Variants in SWAP70 observed in about 807,000 individuals in gnomAD.
SWAP70 encodes the protein switch-associated protein 70.
In SWAP70, 34 loss-of-function variants were observed where a neutral mutation model predicts 80.2. The observed-to-expected ratio is 0.42, with a 90% CI of 0.32 to 0.56. SWAP70 has a LOEUF of 0.56. SWAP70 is among the 20% of genes least tolerant of loss of function. The pLI is 0.09. For missense variants in SWAP70, 578 were observed against 690.7 expected, an observed-to-expected ratio of 0.84 and a Z score of 1.83; for synonymous variants, 239 against 238.5, an observed-to-expected ratio of 1.00 and a Z score of -0.02.
intron 7 of SWAP70, among the ~76,000 whole-genome samples, chr11:9,737,586 C>G (rs1433972484): frequency 1.3e-5 from 2 of 152,106 alleles, no homozygotes; most frequent in Non-Finnish European, 2.9e-5. Flanking sequence ...AGAAAGAGCT[C>G]AAGAAATAGC....
chr11:9,711,547 G>T (rs1850998692), intron 2 of SWAP70, among the ~76,000 whole-genome samples: 1 of 152,158 alleles, frequency 6.6e-6, no homozygotes, highest in African/African-American at 2.4e-5. Context: ...TTCCTTGGCA[G>T]CTAGAGCACA....
At chr11:9,698,103 T>TTG (rs1590022696) in intron 2 of SWAP70, among the ~76,000 whole-genome samples, 1 of 146,212 alleles carries the variant, frequency 6.8e-6, no homozygotes, top group East Asian at 2.0e-4. Context: ...GTTTTTTGTT[T>TTG]TTTTTTTTTT....
At chr11:9,701,061 TG>T (rs1411109675) in intron 2 of SWAP70, among the ~76,000 whole-genome samples, 1 of 152,224 alleles carries the variant, frequency 6.6e-6, no homozygotes, top group African/African-American at 2.4e-5. Flanking sequence ...GGTTGGTTTT[TG>T]TATTTACTTT....
intron 1 of SWAP70, among the ~76,000 whole-genome samples, chr11:9,685,117 C>CTTT (rs1011054261): frequency 5.8e-5 from 8 of 139,080 alleles, no homozygotes; most frequent in African/African-American, 1.8e-4. Flanking sequence ...GGGTGACTTT[C>CTTT]TTTTTTTTTT....
chr11:9,748,290 G>A (rs890805280), intron 10 of SWAP70, among the ~76,000 whole-genome samples: 1 of 152,198 alleles, frequency 6.6e-6, no homozygotes, highest in African/African-American at 2.4e-5. Context: ...ATTATTAACT[G>A]TCATAGGAGA....
chr11:9,707,552 CT>C lies in SWAP70; in HGVS notation c.241-5910del, dbSNP rs200003596. Among the ~76,000 whole-genome samples, 43 of 132,300 alleles carry C rather than the reference CT, an allele frequency of 3.3e-4. No individual in the cohort carries two copies. In the Middle Eastern group the frequency reaches 0.016, roughly 50 times the overall value. 86.8% of individuals were successfully genotyped at this position (132,300 alleles called of 152,430 possible). ...TATGTATATAACACATTTTCTTTTT[CT>C]TTTCTTTTTTTTTTTTTTTTGAGAC... On this transcript the variant is annotated intron_variant, in intron 2 of 11. Coordinates refer to ENST00000318950, the MANE Select transcript of SWAP70 (RefSeq NM_015055.4).
intron 2 of SWAP70, among the ~76,000 whole-genome samples, chr11:9,702,857 A>G (rs1850850714): frequency 6.6e-6 from 1 of 152,220 alleles, no homozygotes; most frequent in Admixed American, 6.5e-5. Flanking sequence ...ATGACTTTAT[A>G]CTGATGAATA....
At position 9,710,175 on chromosome 11, in the gene SWAP70, T is replaced by C. The variant is rs544370288; in HGVS notation, c.241-3291T>C. Among the ~76,000 whole-genome samples the C allele has an allele frequency of 4.6e-5, 7 of 152,252 alleles. No homozygotes were observed. The South Asian group carries it at 1.5e-3, about 32-fold the overall frequency. On this transcript the variant is annotated intron_variant, in intron 2 of 11. Transcript: ENST00000318950. ...ACCTATGTTGTTCAAGGATGCTCAGTTTTTTGGAACCTGTATTTTCTGATC... is the reference window on the plus strand; with the variant it reads ...ACCTATGTTGTTCAAGGATGCTCAGCTTTTTGGAACCTGTATTTTCTGATC...
chr11:9,678,500 A>T (rs1481749851), intron 1 of SWAP70, among the ~76,000 whole-genome samples: 2 of 148,342 alleles, frequency 1.3e-5, no homozygotes, highest in Non-Finnish European at 1.5e-5. Flanking sequence ...TTTTTGGGAA[A>T]TACATGTACT....
intron 2 of SWAP70, among the ~76,000 whole-genome samples, chr11:9,697,106 A>G (rs894048398): frequency 1.3e-5 from 2 of 151,958 alleles, no homozygotes; most frequent in Non-Finnish European, 2.9e-5. Flanking sequence ...CATCAAACCT[A>G]AATACACAAC....
intron 7 of SWAP70, among the ~76,000 whole-genome samples, chr11:9,737,733 T>G (rs997296920): frequency 2.6e-5 from 4 of 152,114 alleles, no homozygotes; most frequent in African/African-American, 9.7e-5. Flanking sequence ...CCGTGTCTAC[T>G]AAAAATACAA....
At chr11:9,709,549 A>G (rs561680427) in intron 2 of SWAP70, among the ~76,000 whole-genome samples, 1 of 152,198 alleles carries the variant, frequency 6.6e-6, no homozygotes, top group East Asian at 1.9e-4. Flanking sequence ...TTGAGACAGA[A>G]TCTCTCACTT....
chr11:9,687,932 T>C (rs75800330), intron 1 of SWAP70, among the ~76,000 whole-genome samples: 3,308 of 152,266 alleles, frequency 0.022, 61 homozygotes, highest in Non-Finnish European at 0.035. Flanking sequence ...CTAGAGTTTA[T>C]GAATGACCCA....
At chr11:9,714,807 A>ATTT (rs71034737) in intron 3 of SWAP70, among the ~76,000 whole-genome samples, 2,540 of 127,322 alleles carry the variant, frequency 0.02, 89 homozygotes, top group African/African-American at 0.076. Flanking sequence ...CCAAAAGGGG[A>ATTT]TTTTTTTTTT....
At chr11:9,672,195 C>CTATGTG (rs530619499) in intron 1 of SWAP70, among the ~76,000 whole-genome samples, 2 of 78,438 alleles carry the variant, frequency 2.5e-5, no homozygotes, top group African/African-American at 9.8e-5. Context: ...ATGTGTGTGT[C>CTATGTG]TATATATATA....
intron 3 of SWAP70, among the ~76,000 whole-genome samples, chr11:9,720,650 T>C (rs1428360897): frequency 2.0e-5 from 3 of 152,168 alleles, no homozygotes; most frequent in Admixed American, 6.5e-5. Flanking sequence ...CTGTATTCCC[T>C]GTACCCCAAG....
intron 2 of SWAP70, among the ~76,000 whole-genome samples, chr11:9,702,729 C>T (rs1208869398): frequency 6.6e-6 from 1 of 152,086 alleles, no homozygotes; most frequent in East Asian, 1.9e-4. Context: ...CTGAAAGTTA[C>T]ATAGTTTTAA....
chr11:9,694,207 A>T lies in SWAP70; in HGVS notation c.161A>T (p.Glu54Val). The T allele has an allele frequency of 6.2e-7, 1 of 1,613,212 alleles. No individual in the cohort carries two copies. The highest frequency in any genetic ancestry group is 1.1e-5 in the South Asian group (1 of 90,934). Reference protein sequence around the residue: ...KVPHDPVALEEHFRDDDEGPV... With the variant: ...KVPHDPVALEVHFRDDDEGPV... The stretch of plus-strand genomic sequence containing the variant: ...CCTCATGACCCAGTTGCCCTTGAAG[A>T]GCACTTCAGGGATGATGATGAGGGT... Residue 54 changes from glutamate (E) to valine (V), a missense_variant, in exon 2 of 12, where the codon GAG (glutamate) becomes GTG (valine). By Grantham distance (121) the Glu-to-Val change is moderately radical. Transcript: ENST00000318950.
intron 1 of SWAP70, among the ~76,000 whole-genome samples, chr11:9,674,968 C>CA (rs777668072): frequency 2.1e-4 from 24 of 116,894 alleles, no homozygotes; most frequent in African/African-American, 5.7e-4. Context: ...GACTCCGTCT[C>CA]AAAAAAAAAA....
Sources: allele counts gnomAD v4.1 joint callset (sites outside exome capture counted in the v4.1 genomes callset), GRCh38; gene constraint gnomAD v4.1.1; transcripts MANE v1.5; gene names NCBI Gene and HGNC (gene_info 2026-07-23, HGNC 2026-07-21).